ADCY1: variants seen among roughly 807,000 people sequenced by gnomAD.
The protein encoded by ADCY1 is adenylate cyclase type 1.
Under a neutral mutation model 105.4 loss-of-function variants are expected in ADCY1, and 28 were observed. The observed-to-expected ratio is 0.27, with a 90% CI of 0.20 to 0.36. The LOEUF (loss-of-function observed/expected upper bound fraction) is 0.36, where lower values mean the gene tolerates loss of function less well. ADCY1 is among the 10% of genes least tolerant of loss of function. The pLI, the probability that ADCY1 is intolerant of heterozygous loss-of-function variation, is 1.00. For missense variants in ADCY1, 977 were observed against 1,434.2 expected (o/e 0.68, Z 5.15); for synonymous variants, 655 against 623.8 (o/e 1.05, Z -0.75).
intron 5 of ADCY1, 74 bp from the exon 6 acceptor site, chr7:45,657,653 C>G: frequency 1.4e-6 from 2 of 1,477,128 alleles, no homozygotes; most frequent in Non-Finnish European, 9.2e-7. Context: ...CACAGCCTAG[C>G]AGTGCAGACC....
At chr7:45,699,421 G>A (rs76225029) in intron 14 of ADCY1, among the ~76,000 whole-genome samples, 2,878 of 152,292 alleles carry the variant, frequency 0.019, 41 homozygotes, top group Non-Finnish European at 0.032. Context: ...TCAAGGAAAC[G>A]CAGATAACTG....
chr7:45,652,646 G>C (rs1332222002), intron 5 of ADCY1, among the ~76,000 whole-genome samples: 1 of 152,216 alleles, frequency 6.6e-6, no homozygotes, highest in African/African-American at 2.4e-5. Context: ...CCTTTTTCAT[G>C]CAGATCGGTC....
At chr7:45,579,401 C>T (rs1238514523) in intron 1 of ADCY1, among the ~76,000 whole-genome samples, 1 of 152,114 alleles carries the variant, frequency 6.6e-6, no homozygotes, top group Non-Finnish European at 1.5e-5. Flanking sequence ...TGGGATCCTC[C>T]TCCCCCACCA....
chr7:45,575,294 G>A lies in ADCY1; in HGVS notation c.639+112G>A, dbSNP rs1027287237. On this transcript the variant is annotated intron_variant, in intron 1 of 19. Transcript: ENST00000297323. The surrounding 1 kb of genome is among the most constrained non-coding windows in gnomAD (Gnocchi z 4.7). Reference sequence around the variant, plus strand: ...CCTATGCGGCGGGTGGGGACACTGAGGCTCCGAGTGGGGGTGTGTTCAAGG... The same window carrying A: ...CCTATGCGGCGGGTGGGGACACTGAAGCTCCGAGTGGGGGTGTGTTCAAGG... The A allele has an allele frequency of 7.5e-7, 1 of 1,334,310 alleles. No individual in the cohort carries two copies. The highest frequency in any genetic ancestry group is 1.0e-6 in the Non-Finnish European group (1 of 1,001,744). The allele number at this position is 1,334,310 out of a possible 1,614,324, so 82.7% of individuals were successfully genotyped here.
intron 1 of ADCY1, among the ~76,000 whole-genome samples, chr7:45,579,477 C>A (rs1434982024): frequency 6.6e-6 from 1 of 152,148 alleles, no homozygotes; most frequent in African/African-American, 2.4e-5. Context: ...CCTACTCCCC[C>A]ACGGACCCCT....
At chr7:45,642,626 C>A (rs1483386510) in intron 4 of ADCY1, among the ~76,000 whole-genome samples, 1 of 152,016 alleles carries the variant, frequency 6.6e-6, no homozygotes, top group Admixed American at 6.6e-5. Context: ...TTTTAATAAC[C>A]CTTCCCTGGG....
In ADCY1 at chr7:45,717,743, C is replaced by T. The variant is rs555930151; in HGVS notation, c.*3748C>T. 6 of 152,370 alleles carry T rather than the reference C, an allele frequency of 3.9e-5. No individual in the cohort carries two copies. Among genetic ancestry groups the T allele is most frequent in the African/African-American group, 9.7e-5 (4 of 41,440 alleles). The allele number at this position is 152,370 out of a possible 1,614,324, so 9.4% of individuals were successfully genotyped here. A position where few individuals can be genotyped will look rare whatever the true frequency, so the allele number is the denominator to read the frequency against. On this transcript the variant is annotated 3_prime_UTR_variant, in exon 20 of 20. Transcript: ENST00000297323. ...TTGCTTGCAAGGGACCATGCCGGCC[C>T]GGGTGGTCCATGCCTGCGGGGTGTC...
In ADCY1 at chr7:45,592,844, C is replaced by T. The variant is rs75000917; in HGVS notation, c.725C>T (p.Ala242Val). 770 of 1,614,084 alleles carry T rather than the reference C, an allele frequency of 4.8e-4. 2 individuals are homozygous for T. Among genetic ancestry groups the T allele is most frequent in the Non-Finnish European group, 6.2e-4 (726 of 1,180,050 alleles). The change falls in exon 2 of 20, where the codon GCG becomes GTG. Residue 242 changes from alanine (A) to valine (V), a missense_variant. Ala to Val is a moderately conservative substitution (Grantham distance 64, BLOSUM62 0). Around this residue, in one of 7 missense-constraint regions of ADCY1, gnomAD observed 196 missense variants for 347.8 expected, o/e 0.56. Transcript: ENST00000297323. ...RILTERSQRK[A>V]FLQARSCIED... ...CTGACTGAGCGTTCACAGAGGAAGG[C>T]GTTCCTGCAGGCCCGGAGCTGCATT... is the stretch of plus-strand genomic sequence containing the variant.
At chr7:45,650,643 G>A (rs990449284) in intron 5 of ADCY1, among the ~76,000 whole-genome samples, 1 of 152,076 alleles carries the variant, frequency 6.6e-6, no homozygotes. Context: ...CTCCTGAGAG[G>A]GGTCTGCTGC....
At chr7:45,664,644 A>AT (rs1198200099) in intron 8 of ADCY1, 10 of 616,586 alleles carry the variant, frequency 1.6e-5, no homozygotes, top group African/African-American at 5.5e-5. Context: ...GTGTGTCTGT[A>AT]TTTTTTTAAT....
rs750140724 is a variant in ADCY1, at chr7:45,722,520, C to G, written c.*8525C>G. Reference sequence around the variant, plus strand: ...CCTTCAGTCACCACTCCTCTTCCTCCGCCATCCTCATTTATACTGATTGCA... The same window carrying G: ...CCTTCAGTCACCACTCCTCTTCCTCGGCCATCCTCATTTATACTGATTGCA... On this transcript the variant is annotated 3_prime_UTR_variant, in exon 20 of 20. Coordinates refer to ENST00000297323, the MANE Select transcript of ADCY1 (RefSeq NM_021116.4). The G allele has an allele frequency of 6.6e-6, 1 of 152,252 alleles. No homozygotes were observed. The highest frequency in any genetic ancestry group is 2.4e-5 in the African/African-American group (1 of 41,438). 9.4% of individuals were successfully genotyped at this position (152,252 alleles called of 1,614,324 possible).
intron 1 of ADCY1, among the ~76,000 whole-genome samples, chr7:45,583,712 C>T (rs1177770099): frequency 1.3e-5 from 2 of 151,766 alleles, no homozygotes; most frequent in South Asian, 2.1e-4. Flanking sequence ...GCTGTCTCGG[C>T]TCACCACAAC....
chr7:45,686,184 G>A lies in ADCY1; in HGVS notation c.2296G>A (p.Val766Ile), dbSNP rs1226081566. The change falls in exon 13 of 20, where the codon GTT (valine) becomes ATT (isoleucine). Residue 766 changes from valine (V) to isoleucine (I), a missense_variant. This residue lies in a region of ADCY1 where 275 missense variants were observed against 362.1 expected (regional missense o/e 0.76). Coordinates refer to ENST00000297323, the MANE Select transcript of ADCY1 (RefSeq NM_021116.4). The surrounding 1 kb of genome is among the most constrained non-coding windows in gnomAD (Gnocchi z 4.3). ...LSGLTTSYIL[V>I]LELSGYTRTG... The stretch of plus-strand genomic sequence containing the variant: ...CGGGCTCACCACGTCCTACATCCTC[G>A]TTCTGGAGCTCAGCGGATACACCAG... 11 of 1,614,050 alleles carry A rather than the reference G, an allele frequency of 6.8e-6. No individual in the cohort carries two copies. The highest frequency in any genetic ancestry group is 1.6e-4 in the Middle Eastern group (1 of 6,062).
At chr7:45,700,527 C>T (rs1328130114) in intron 14 of ADCY1, among the ~76,000 whole-genome samples, 1 of 152,160 alleles carries the variant, frequency 6.6e-6, no homozygotes. Context: ...CCTGGGATGC[C>T]CGCAAAGAGG....
At chr7:45,589,679 G>A (rs987382269) in intron 1 of ADCY1, among the ~76,000 whole-genome samples, 3 of 152,126 alleles carry the variant, frequency 2.0e-5, no homozygotes, top group African/African-American at 7.2e-5. Context: ...TGGGTGTCTC[G>A]GCGGGTGAGC....
intron 3 of ADCY1, among the ~76,000 whole-genome samples, chr7:45,615,750 G>A (rs1026367010): frequency 1.8e-4 from 27 of 151,842 alleles, no homozygotes; most frequent in Non-Finnish European, 3.8e-4. Flanking sequence ...AAAAAAGAAA[G>A]AAGATCTCAA....
In ADCY1 at chr7:45,721,569, G is replaced by C. The variant is rs1021105413; in HGVS notation, c.*7574G>C. On this transcript the variant is annotated 3_prime_UTR_variant, in exon 20 of 20. Coordinates refer to ENST00000297323, the MANE Select transcript of ADCY1 (RefSeq NM_021116.4). ...TGCTCAGCTTCTGCTCAGGAGTTCT[G>C]TGAGCTATGGGAAGGCCATTGGTTG... The C allele has an allele frequency of 2.5e-6, 1 of 397,838 alleles. No individual in the cohort carries two copies. The highest frequency in any genetic ancestry group is 4.4e-6 in the Non-Finnish European group (1 of 225,896). The allele number at this position is 397,838 out of a possible 1,614,324, so 24.6% of individuals were successfully genotyped here. A position where few individuals can be genotyped will look rare whatever the true frequency, so the allele number is the denominator to read the frequency against.
In ADCY1 at chr7:45,574,661, T is replaced by G. The variant is rs1792271052; in HGVS notation, c.118T>G (p.Phe40Val). Residue 40 changes from phenylalanine (F) to valine (V), a missense_variant, in exon 1 of 20, where the codon TTC becomes GTC. Physicochemically the swap from Phe to Val is conservative, Grantham distance 50. This residue lies in a region of ADCY1 where 209 missense variants were observed against 222.5 expected (regional missense o/e 0.94). Transcript: ENST00000297323. The surrounding 1 kb of genome is among the most constrained non-coding windows in gnomAD (Gnocchi z 7.0). ...RRGLRACDEE[F>V]ACPELEALFR... ...CGGGCTCCGGGCGTGCGACGAGGAG[T>G]TCGCTTGCCCAGAGCTGGAGGCGCT... The G allele has an allele frequency of 1.5e-6, 2 of 1,322,826 alleles. No homozygotes were observed. Among genetic ancestry groups the G allele is most frequent in the African/African-American group, 3.1e-5 (2 of 64,074 alleles). 81.9% of individuals were successfully genotyped at this position (1,322,826 alleles called of 1,614,324 possible). A position where few individuals can be genotyped will look rare whatever the true frequency, so the allele number is the denominator to read the frequency against.
chr7:45,580,371 A>G lies in ADCY1; in HGVS notation c.639+5189A>G, dbSNP rs1413585094. On this transcript the variant is annotated intron_variant, in intron 1 of 19. Transcript: ENST00000297323. ...CCGGAGAAGAGCTGGGAGCAGACACAGGGGTGGAGTCTGCAGCTGCCGGGG... is the reference window on the plus strand; with the variant it reads ...CCGGAGAAGAGCTGGGAGCAGACACGGGGGTGGAGTCTGCAGCTGCCGGGG... 2.6e-5 allele frequency among the ~76,000 whole-genome samples: 4 copies of G among 152,022 alleles called. No individual in the cohort carries two copies. In the East Asian group the frequency reaches 5.8e-4, roughly 22 times the overall value.
Sources: allele counts gnomAD v4.1 joint callset (sites outside exome capture counted in the v4.1 genomes callset), GRCh38; gene constraint gnomAD v4.1.1; regional missense constraint gnomAD v4.1.1; non-coding constraint Gnocchi (gnomAD v3.1); transcripts MANE v1.5; gene names NCBI Gene and HGNC (gene_info 2026-07-23, HGNC 2026-07-21).